The following GFM1 variants were observed in gnomAD, a reference collection of about 807,000 sequenced individuals.
GFM1 encodes the protein G elongation factor mitochondrial 1.
A neutral mutation model predicts 96.2 loss-of-function variants in GFM1; 62 were observed. That is an observed-to-expected ratio of 0.64 (90% CI 0.53 to 0.80). GFM1 has a LOEUF of 0.80. Among genes scored for constraint, GFM1 ranks in the 30% least tolerant of loss-of-function variants. The pLI, the probability that GFM1 is intolerant of heterozygous loss-of-function variation, is 0.00. For synonymous variants in GFM1, 282 were observed against 312.9 expected (o/e 0.90, Z 1.04); for missense variants, 852 against 916.6 (o/e 0.93, Z 0.91).
At chr3:158,646,642 GA>G in intron 3 of GFM1, 100 bp from the exon 4 acceptor site, 1 of 1,023,260 alleles carries the variant, frequency 9.8e-7, no homozygotes, top group Non-Finnish European at 1.5e-6. Flanking sequence ...ATTCTTATTA[GA>G]AGACTTATGT....
rs906054438 is a variant in GFM1, at chr3:158,695,336, T to TGCACTCCAGCACTCCA, written c.*3880_*3895dup. The stretch of plus-strand genomic sequence containing the variant: ...CTATAGTGAGCTGAGATGGCACCAC[T>TGCACTCCAGCACTCCA]GCACTCCAGCACTCCAGCACTCCAG... On this transcript the variant is annotated 3_prime_UTR_variant, in exon 18 of 18. Transcript: ENST00000486715. 6.6e-6 allele frequency: 1 copy of TGCACTCCAGCACTCCA among 151,718 alleles called. No homozygotes were observed. Among genetic ancestry groups the TGCACTCCAGCACTCCA allele is most frequent in the African/African-American group, 2.4e-5 (1 of 41,232 alleles). The allele number at this position is 151,718 out of a possible 1,614,324, so 9.4% of individuals were successfully genotyped here. A position where few individuals can be genotyped will look rare whatever the true frequency, so the allele number is the denominator to read the frequency against.
intron 12 of GFM1, 77 bp from the exon 13 acceptor site, chr3:158,666,227 G>T: frequency 2.1e-6 from 2 of 935,632 alleles, no homozygotes; most frequent in South Asian, 2.8e-5. Flanking sequence ...ATGCTACTAA[G>T]ATATATAAGA....
chr3:158,674,691 T>TAATA (rs1724718932), intron 13 of GFM1, among the ~76,000 whole-genome samples: 1 of 152,218 alleles, frequency 6.6e-6, no homozygotes, highest in South Asian at 2.1e-4. Context: ...TAACATGGCT[T>TAATA]ATATTTAAGC....
chr3:158,655,919 A>G (rs1722713100), intron 8 of GFM1: 2 of 457,096 alleles, frequency 4.4e-6, no homozygotes, highest in Admixed American at 2.4e-5. Flanking sequence ...AGGCTGTAAT[A>G]GTTTCTTAGA....
At position 158,694,853 on chromosome 3, in the gene GFM1, T is replaced by C. The variant is rs1726489073; in HGVS notation, c.*3386T>C. 6.8e-6 allele frequency among the ~76,000 whole-genome samples: 1 copy of C among 147,440 alleles called. No individual in the cohort carries two copies. Among genetic ancestry groups the C allele is most frequent in the South Asian group, 2.1e-4 (1 of 4,836 alleles). On this transcript the variant is annotated 3_prime_UTR_variant, in exon 18 of 18. Coordinates refer to ENST00000486715, the MANE Select transcript of GFM1 (RefSeq NM_024996.7). ...AATGGAATGTAGACAAAATCCCTGGTATTATTTTATATGTCTTAAGAAAGT... is the reference window on the plus strand; with the variant it reads ...AATGGAATGTAGACAAAATCCCTGGCATTATTTTATATGTCTTAAGAAAGT...
rs562100642 is a variant in GFM1, at chr3:158,692,756, A to G, written c.*1289A>G. ...CCCCAGGCTGGAATGCAGAGGGACT[A>G]TCTCTGCTCACTACAACCTCTGCTT... is the stretch of plus-strand genomic sequence containing the variant. On this transcript the variant is annotated 3_prime_UTR_variant, in exon 18 of 18. Transcript: ENST00000486715. Among the ~76,000 whole-genome samples the G allele has an allele frequency of 7.2e-5, 11 of 151,894 alleles. No individual in the cohort carries two copies. Among genetic ancestry groups the G allele is most frequent in the Admixed American group, 2.6e-4 (4 of 15,254 alleles).
intron 13 of GFM1, among the ~76,000 whole-genome samples, chr3:158,673,508 CTTTTTT>C (rs766011688): frequency 7.6e-4 from 87 of 114,268 alleles, no homozygotes; most frequent in African/African-American, 3.0e-3. Flanking sequence ...CTTTTCTTTT[CTTTTTT>C]TTTTTTTTTT....
Position 158,691,523 on chromosome 3 carries a change from T to C in GFM1, c.*56T>C. ...TTGAATCTGCGTGGTTTTGATACTT[T>C]GATGGATTCCAGTGGAATAAATTCA... On this transcript the variant is annotated 3_prime_UTR_variant, in exon 18 of 18. Coordinates refer to ENST00000486715, the MANE Select transcript of GFM1 (RefSeq NM_024996.7). The C allele has an allele frequency of 6.3e-7, 1 of 1,588,498 alleles. No homozygotes were observed. The highest frequency in any genetic ancestry group is 8.6e-7 in the Non-Finnish European group (1 of 1,159,548).
chr3:158,678,142 A>G (rs201101355), intron 13 of GFM1, among the ~76,000 whole-genome samples: 1 of 152,208 alleles, frequency 6.6e-6, no homozygotes, highest in East Asian at 1.9e-4. Context: ...CTTTCAAAAG[A>G]TTACTGCTCA....
At chr3:158,672,645 G>A (rs927635761) in intron 13 of GFM1, 9 of 758,184 alleles carry the variant, frequency 1.2e-5, no homozygotes, top group African/African-American at 8.8e-5. Context: ...GGAAGCTGCT[G>A]TTTGGGCCCA....
At chr3:158,669,178 C>T (rs773894222) in intron 13 of GFM1, 10 of 1,510,730 alleles carry the variant, frequency 6.6e-6, no homozygotes, top group Non-Finnish European at 9.0e-6. Flanking sequence ...ATAGTATTAA[C>T]CTTTTAAAAC....
chr3:158,660,500 G>A (rs150267281), intron 9 of GFM1: 381 of 241,048 alleles, frequency 1.6e-3, no homozygotes, highest in African/African-American at 8.5e-3. Context: ...CACTCGCCTC[G>A]GCCTCCCAAA....
intron 9 of GFM1, chr3:158,660,611 T>C (rs1723126256): frequency 4.3e-6 from 2 of 459,952 alleles, no homozygotes; most frequent in Admixed American, 3.4e-5. Context: ...TTGTTAGTAC[T>C]GCAGCTCCTT....
Position 158,684,577 on chromosome 3 carries a change from G to A in GFM1, c.1818G>A (p.Gly606=), listed in dbSNP as rs1425045891. 1 of 1,614,056 alleles carries A rather than the reference G, an allele frequency of 6.2e-7. No individual in the cohort carries two copies. Among genetic ancestry groups the A allele is most frequent in the Admixed American group, 1.7e-5 (1 of 59,998 alleles). Residue 606 remains glycine, a synonymous_variant, in exon 15 of 18, where the codon GGG becomes GGA. Coordinates refer to ENST00000486715, the MANE Select transcript of GFM1 (RefSeq NM_024996.7). ...KGPLSGHKLS[G]LRFVLQDGAH... is the part of the protein sequence containing the mutation. ...CTCTTTCTGGTCACAAGCTCTCTGG[G>A]CTCCGGTTTGTCCTGCAAGATGGAG...
intron 13 of GFM1, chr3:158,672,422 G>C (rs1380236667): frequency 1.9e-6 from 3 of 1,614,100 alleles, no homozygotes; most frequent in Admixed American, 3.3e-5. Context: ...AGTTGATGTA[G>C]TTCTGTGCCA....
At chr3:158,651,898 G>A (rs1331134799) in intron 5 of GFM1, among the ~76,000 whole-genome samples, 198 bp from the exon 6 acceptor site, 1 of 151,780 alleles carries the variant, frequency 6.6e-6, no homozygotes, top group African/African-American at 2.4e-5. Flanking sequence ...CCTTAAACTT[G>A]CCTATTTCAG....
At position 158,691,596 on chromosome 3, in the gene GFM1, C is replaced by G. The variant is rs1054233463; in HGVS notation, c.*129C>G. Reference sequence around the variant, plus strand: ...GAGCCCAGGAAGCGGGCTCTTCTTTCTTCAAAAGAAGCCCTTCTTGTTCAT... The same window carrying G: ...GAGCCCAGGAAGCGGGCTCTTCTTTGTTCAAAAGAAGCCCTTCTTGTTCAT... On this transcript the variant is annotated 3_prime_UTR_variant, in exon 18 of 18. Coordinates refer to ENST00000486715, the MANE Select transcript of GFM1 (RefSeq NM_024996.7). 3.1e-6 allele frequency: 3 copies of G among 969,256 alleles called. No individual in the cohort carries two copies. The highest frequency in any genetic ancestry group is 4.8e-6 in the Non-Finnish European group (3 of 620,780). The allele number at this position is 969,256 out of a possible 1,614,324, so 60.0% of individuals were successfully genotyped here. A position where few individuals can be genotyped will look rare whatever the true frequency, so the allele number is the denominator to read the frequency against.
intron 13 of GFM1, among the ~76,000 whole-genome samples, chr3:158,679,908 C>G (rs750841605): frequency 6.6e-6 from 1 of 152,150 alleles, no homozygotes; most frequent in Non-Finnish European, 1.5e-5. Context: ...GTCACCATCT[C>G]TGTATATCAA....
chr3:158,675,313 A>G (rs1576775940), intron 13 of GFM1, among the ~76,000 whole-genome samples: 1 of 141,036 alleles, frequency 7.1e-6, no homozygotes, highest in Non-Finnish European at 1.6e-5. Context: ...AAAAAAAACA[A>G]GTTTTCAAGA....
Sources: gnomAD v4.1 joint callset for allele counts (sites outside exome capture counted in the v4.1 genomes callset) on GRCh38, gnomAD v4.1.1 for gene constraint, MANE v1.5 for transcripts, NCBI Gene and HGNC (gene_info 2026-07-23, HGNC 2026-07-21) for gene names.